CCDC7: variants seen among roughly 807,000 people sequenced by gnomAD.
The protein encoded by CCDC7 is coiled-coil domain-containing protein 7.
In CCDC7, 183 loss-of-function variants were observed where a neutral mutation model predicts 196.9. The ratio of observed to expected loss-of-function variants is 0.93; its 90% CI spans 0.82 to 1.05. The LOEUF (loss-of-function observed/expected upper bound fraction) is 1.05, where lower values mean the gene tolerates loss of function less well. Ranked by LOEUF, CCDC7 falls within the 50% of genes least tolerant of loss-of-function variation. The pLI, the probability that CCDC7 is intolerant of heterozygous loss-of-function variation, is 0.00. For missense variants in CCDC7, 1,540 were observed against 1,482.2 expected, an observed-to-expected ratio of 1.04 and a Z score of -0.64; for synonymous variants, 525 against 484.6, an observed-to-expected ratio of 1.08 and a Z score of -1.10.
chr10:32,553,546 T>C (rs902721241), intron 13 of CCDC7, among the ~76,000 whole-genome samples: 1 of 152,184 alleles, frequency 6.6e-6, no homozygotes, highest in African/African-American at 2.4e-5. Flanking sequence ...TTGGATAGGC[T>C]CTGTCTTAGG....
chr10:32,632,860 A>G (rs928715385), intron 18 of CCDC7, among the ~76,000 whole-genome samples: 6 of 152,158 alleles, frequency 3.9e-5, no homozygotes, highest in African/African-American at 7.2e-5. Flanking sequence ...GGCCTAACAT[A>G]TTGCATATCT....
chr10:32,481,971 C>T (rs540855996), intron 8 of CCDC7, among the ~76,000 whole-genome samples: 2 of 152,176 alleles, frequency 1.3e-5, no homozygotes, highest in South Asian at 4.1e-4. Flanking sequence ...GGTTATAATA[C>T]ATTTTGATGA....
At chr10:32,649,887 G>A (rs2068429659) in intron 20 of CCDC7, among the ~76,000 whole-genome samples, 1 of 152,110 alleles carries the variant, frequency 6.6e-6, no homozygotes, top group South Asian at 2.1e-4. Context: ...TCTTAAAAAG[G>A]GAATTTTGTT....
intron 23 of CCDC7, 26 bp downstream of exon 24, chr10:32,689,189 T>A (rs1179943759): frequency 1.5e-6 from 2 of 1,372,794 alleles, no homozygotes. Context: ...AAAGATAACT[T>A]TAAATTATTT....
At chr10:32,621,982 A>G (rs2063468011) in intron 18 of CCDC7, among the ~76,000 whole-genome samples, 1 of 152,164 alleles carries the variant, frequency 6.6e-6, no homozygotes, top group African/African-American at 2.4e-5. Context: ...CATAAAATTA[A>G]CCATCACAAG....
chr10:32,787,109 GGAGAAAA>G (rs1259282219), intron 29 of CCDC7, among the ~76,000 whole-genome samples: 1 of 151,978 alleles, frequency 6.6e-6, no homozygotes, highest in East Asian at 1.9e-4. Flanking sequence ...GGTATCAGAA[GGAGAAAA>G]GAGAAAAGAG....
intron 41 of CCDC7, among the ~76,000 whole-genome samples, chr10:32,862,911 G>A (rs1205517865): frequency 6.6e-6 from 1 of 152,012 alleles, no homozygotes; most frequent in East Asian, 1.9e-4. Context: ...TTTCATTTAT[G>A]ATAGCATAAA....
intron 20 of CCDC7, among the ~76,000 whole-genome samples, chr10:32,657,257 C>T (rs1264962151): frequency 1.3e-5 from 2 of 152,240 alleles, no homozygotes; most frequent in Non-Finnish European, 2.9e-5. Context: ...CTCTACTAGG[C>T]AGTGCCCCAG....
intron 18 of CCDC7, among the ~76,000 whole-genome samples, chr10:32,597,080 A>G (rs546577481): frequency 6.6e-5 from 10 of 152,276 alleles, no homozygotes; most frequent in Non-Finnish European, 1.2e-4. Context: ...CTGCCTCACT[A>G]GGTTGGGGAA....
intron 33 of CCDC7, among the ~76,000 whole-genome samples, chr10:32,835,860 T>A (rs557229270): frequency 6.6e-6 from 1 of 152,142 alleles, no homozygotes; most frequent in East Asian, 1.9e-4. Flanking sequence ...TGAAAACAAA[T>A]GCAGTACTTA....
chr10:32,525,198 A>G (rs1365240082), intron 11 of CCDC7, among the ~76,000 whole-genome samples: 2 of 152,092 alleles, frequency 1.3e-5, no homozygotes, highest in Non-Finnish European at 2.9e-5. Context: ...TACATATGTA[A>G]CAAACCTGCA....
In CCDC7 at chr10:32,483,844, CATTGGTCTAT is replaced by C. The variant is rs575223777; in HGVS notation, c.797-8075_797-8066del. ...TATTTCCAAGGGCTCTATTCTGTTCCATTGGTCTATATCTCTGTTTTGATACCAGTACCAT... is the reference window on the plus strand; with the variant it reads ...TATTTCCAAGGGCTCTATTCTGTTCCATCTCTGTTTTGATACCAGTACCAT... On this transcript the variant is annotated intron_variant, in intron 8 of 41. Transcript: ENST00000639629. Among the ~76,000 whole-genome samples, 134 of 152,202 alleles carry C rather than the reference CATTGGTCTAT, an allele frequency of 8.8e-4. 2 individuals are homozygous for C. In the East Asian group the frequency reaches 0.025, roughly 29 times the overall value.
intron 18 of CCDC7, among the ~76,000 whole-genome samples, chr10:32,597,612 ATAT>A (rs1275606586): frequency 6.6e-6 from 1 of 152,152 alleles, no homozygotes; most frequent in East Asian, 1.9e-4. Flanking sequence ...GATTTTTAGA[ATAT>A]TCAGCTTTTC....
intron 18 of CCDC7, among the ~76,000 whole-genome samples, chr10:32,629,134 T>C (rs2064466480): frequency 6.6e-6 from 1 of 152,172 alleles, no homozygotes; most frequent in South Asian, 2.1e-4. Context: ...CAGTTGTTTT[T>C]CCCTTCAGAC....
At chr10:32,467,943 T>C (rs2037179121) in intron 5 of CCDC7, among the ~76,000 whole-genome samples, 1 of 152,186 alleles carries the variant, frequency 6.6e-6, no homozygotes, top group South Asian at 2.1e-4. Context: ...CATTGCTCTA[T>C]GTGTCTGGTT....
chr10:32,678,934 G>A (rs2075436161), intron 21 of CCDC7, among the ~76,000 whole-genome samples: 1 of 152,062 alleles, frequency 6.6e-6, no homozygotes, highest in Non-Finnish European at 1.5e-5. Flanking sequence ...CATTTTTGTG[G>A]AAGAAAGAGG....
intron 29 of CCDC7, among the ~76,000 whole-genome samples, chr10:32,804,411 A>G (rs779942096): frequency 1.3e-5 from 2 of 152,188 alleles, no homozygotes; most frequent in African/African-American, 4.8e-5. Context: ...AAAGGGACCT[A>G]AGAGGGCATG....
intron 18 of CCDC7, among the ~76,000 whole-genome samples, chr10:32,629,162 T>A (rs564621738): frequency 1.3e-5 from 2 of 152,272 alleles, no homozygotes; most frequent in East Asian, 3.9e-4. Context: ...ATTTGCTTTA[T>A]GTTTTTAGGT....
At chr10:32,603,604 T>G (rs1363859713) in intron 18 of CCDC7, among the ~76,000 whole-genome samples, 1 of 147,058 alleles carries the variant, frequency 6.8e-6, no homozygotes, top group African/African-American at 2.4e-5. Flanking sequence ...TTTTTACATC[T>G]TTGACAGTGT....
Sources: gnomAD v4.1 joint callset for allele counts (sites outside exome capture counted in the v4.1 genomes callset) on GRCh38, gnomAD v4.1.1 for gene constraint, MANE v1.5 for transcripts, NCBI Gene and HGNC (gene_info 2026-07-23, HGNC 2026-07-21) for gene names.